Variants in DPP10 observed in about 807,000 individuals in gnomAD.
DPP10 encodes dipeptidyl peptidase like 10, also known as inactive dipeptidyl peptidase 10.
A neutral mutation model predicts 120.9 loss-of-function variants in DPP10; 33 were observed. The ratio of observed to expected loss-of-function variants is 0.27; its 90% CI spans 0.21 to 0.37. The LOEUF (loss-of-function observed/expected upper bound fraction) is 0.37, where lower values mean the gene tolerates loss of function less well. Ranked by LOEUF, DPP10 falls within the 10% of genes least tolerant of loss-of-function variation. The pLI is 1.00. For missense variants in DPP10, 816 were observed against 942.8 expected (o/e 0.87, Z 1.76); for synonymous variants, 337 against 326.1 (o/e 1.03, Z -0.36).
At position 115,256,650 on chromosome 2, in the gene DPP10, C is replaced by G. The variant is rs552182240; in HGVS notation, c.61-52589C>G. On this transcript the variant is annotated intron_variant, in intron 1 of 25. Coordinates refer to ENST00000410059, the MANE Select transcript of DPP10 (RefSeq NM_020868.6). ...CTGAAATGCCTTTGAGGCCTTTTCC[C>G]CATTGTCTTGTCTATCAGCACCTGG... Among the ~76,000 whole-genome samples, 9 of 152,272 alleles carry G rather than the reference C, an allele frequency of 5.9e-5. No individual in the cohort carries two copies. The South Asian group carries it at 1.9e-3, about 32-fold the overall frequency.
intron 5 of DPP10, among the ~76,000 whole-genome samples, chr2:115,657,368 C>T (rs1242989649): frequency 6.6e-6 from 1 of 151,740 alleles, no homozygotes; most frequent in Non-Finnish European, 1.5e-5. Flanking sequence ...GTTCAATATT[C>T]ATTTTAGTAT....
chr2:115,271,163 G>A (rs532202916), intron 1 of DPP10, among the ~76,000 whole-genome samples: 1 of 152,294 alleles, frequency 6.6e-6, no homozygotes, highest in Admixed American at 6.5e-5. Flanking sequence ...CACATTCAAT[G>A]TTCTTCTTTT....
At chr2:114,835,182 A>T (rs1176975568) in intron 1 of DPP10, 1 of 149,424 alleles carries the variant, frequency 6.7e-6, no homozygotes, top group Non-Finnish European at 1.5e-5. Flanking sequence ...ACCTATGTAT[A>T]TATAGGACAT....
At chr2:114,491,723 G>T (rs1682021218) in intron 1 of DPP10, among the ~76,000 whole-genome samples, 1 of 152,166 alleles carries the variant, frequency 6.6e-6, no homozygotes, top group Non-Finnish European at 1.5e-5. Flanking sequence ...CTCTCAAGAT[G>T]AATACATGTC....
intron 12 of DPP10, among the ~76,000 whole-genome samples, chr2:115,763,654 C>T (rs557818661): frequency 6.6e-6 from 1 of 152,252 alleles, no homozygotes; most frequent in African/African-American, 2.4e-5. Flanking sequence ...TCCAGCAAGT[C>T]TCAACCCCTC....
chr2:115,741,826 A>G (rs982387906), intron 9 of DPP10, among the ~76,000 whole-genome samples: 8 of 152,140 alleles, frequency 5.3e-5, no homozygotes, highest in African/African-American at 1.9e-4. Flanking sequence ...TGGTGCTTGA[A>G]CTTGGCCATG....
intron 5 of DPP10, among the ~76,000 whole-genome samples, chr2:115,682,384 G>C (rs78271069): frequency 0.02 from 3,000 of 151,920 alleles, 90 homozygotes; most frequent in African/African-American, 0.067. Context: ...TTACTCAAGA[G>C]TGTAGTATGG....
chr2:115,097,465 GTGAT>G (rs563502985), intron 1 of DPP10, among the ~76,000 whole-genome samples: 1 of 152,292 alleles, frequency 6.6e-6, no homozygotes, highest in Non-Finnish European at 1.5e-5. Context: ...TATCATGACT[GTGAT>G]TGGCTAGTTA....
chr2:115,171,371 A>AG (rs2053319517), intron 1 of DPP10, among the ~76,000 whole-genome samples: 3 of 144,274 alleles, frequency 2.1e-5, no homozygotes, highest in Admixed American at 1.4e-4. Flanking sequence ...AAAAAAAAAA[A>AG]AAAGAAAAGA....
At chr2:115,584,517 C>A (rs577331156) in intron 5 of DPP10, among the ~76,000 whole-genome samples, 1 of 152,282 alleles carries the variant, frequency 6.6e-6, no homozygotes, top group South Asian at 2.1e-4. Flanking sequence ...ACATGGCCTG[C>A]GAAAGCTAAA....
intron 3 of DPP10, among the ~76,000 whole-genome samples, chr2:115,425,901 A>C (rs2070412791): frequency 6.6e-6 from 1 of 152,192 alleles, no homozygotes; most frequent in Non-Finnish European, 1.5e-5. Context: ...GAAAAGCAAG[A>C]GCAAGGAAGA....
At chr2:114,629,639 G>A (rs965951663) in intron 1 of DPP10, among the ~76,000 whole-genome samples, 4 of 152,302 alleles carry the variant, frequency 2.6e-5, no homozygotes, top group Admixed American at 2.6e-4. Context: ...ATGCCTGGCA[G>A]TAGTGAAATA....
At chr2:114,888,142 CA>C (rs1231068172) in intron 1 of DPP10, among the ~76,000 whole-genome samples, 9,737 of 66,272 alleles carry the variant, frequency 0.15, 303 homozygotes, top group East Asian at 0.35. Flanking sequence ...GCCTCCGTCT[CA>C]AAAAAAAAAA....
intron 1 of DPP10, among the ~76,000 whole-genome samples, chr2:115,075,921 A>T (rs1707749353): frequency 1.3e-5 from 2 of 152,156 alleles, no homozygotes; most frequent in South Asian, 4.1e-4. Flanking sequence ...TTTGGGTTCT[A>T]AACAGAATGT....
At chr2:114,747,719 G>A (rs7607329) in intron 1 of DPP10, among the ~76,000 whole-genome samples, 346 of 152,194 alleles carry the variant, frequency 2.3e-3, no homozygotes, top group Non-Finnish European at 4.3e-3. Flanking sequence ...GAGATCATGG[G>A]CTTCTGTATT....
intron 4 of DPP10, among the ~76,000 whole-genome samples, chr2:115,507,556 A>T (rs902118326): frequency 1.3e-5 from 2 of 152,166 alleles, no homozygotes; most frequent in African/African-American, 4.8e-5. Context: ...TACAAACAAC[A>T]TAGGGTTCAA....
chr2:115,389,029 T>C (rs2067145593), intron 3 of DPP10, among the ~76,000 whole-genome samples: 1 of 152,164 alleles, frequency 6.6e-6, no homozygotes, highest in Non-Finnish European at 1.5e-5. Flanking sequence ...TACATATAAC[T>C]TCTCCAACTT....
chr2:115,678,724 C>T (rs1191405641), intron 5 of DPP10, among the ~76,000 whole-genome samples: 1 of 152,184 alleles, frequency 6.6e-6, no homozygotes, highest in African/African-American at 2.4e-5. Context: ...ACAGCTTGCA[C>T]CGTGCACCTG....
chr2:114,730,613 T>C (rs998702576), intron 1 of DPP10, among the ~76,000 whole-genome samples: 5 of 152,138 alleles, frequency 3.3e-5, no homozygotes, highest in Non-Finnish European at 5.9e-5. Flanking sequence ...TTTGTTTGTC[T>C]GAGACAGTCT....
Sources: gnomAD v4.1 joint callset for allele counts (sites outside exome capture counted in the v4.1 genomes callset) on GRCh38, gnomAD v4.1.1 for gene constraint, MANE v1.5 for transcripts, NCBI Gene and HGNC (gene_info 2026-07-23, HGNC 2026-07-21) for gene names.